Variants in FBLIM1 observed in about 807,000 individuals in gnomAD.
FBLIM1 encodes filamin binding LIM protein 1.
Under a neutral mutation model 37.4 loss-of-function variants are expected in FBLIM1, and 29 were observed. The ratio of observed to expected loss-of-function variants is 0.77; its 90% confidence interval spans 0.58 to 1.06. The LOEUF (loss-of-function observed/expected upper bound fraction) is 1.06. Among genes scored for constraint, FBLIM1 ranks in the 50% least tolerant of loss-of-function variants. The pLI, the probability that FBLIM1 is intolerant of heterozygous loss-of-function variation, is 0.00. For synonymous variants in FBLIM1, 193 were observed against 199.0 expected, an observed-to-expected ratio of 0.97 and a Z score of 0.25; for missense variants, 449 against 505.6, an observed-to-expected ratio of 0.89 and a Z score of 1.07.
At chr1:15,772,641 T>G (rs2069274267) in intron 6 of FBLIM1, among the ~76,000 whole-genome samples, 1 of 152,078 alleles carries the variant, frequency 6.6e-6, no homozygotes, top group East Asian at 1.9e-4. Flanking sequence ...CAGAAGGAAT[T>G]TGAGGCAGCT....
chr1:15,764,999 G>A lies in FBLIM1; in HGVS notation c.16G>A (p.Glu6Lys), dbSNP rs765345893. ...AGCTGAAGCCATGGCCTCAAAGCCTGAGAAGAGGGTGGCATCGTCTGTCTT... is the reference window on the plus strand; with the variant it reads ...AGCTGAAGCCATGGCCTCAAAGCCTAAGAAGAGGGTGGCATCGTCTGTCTT... MASKPEKRVASSVFIT... is the reference protein window; with the variant it reads MASKPKKRVASSVFIT... Residue 6 changes from glutamate to lysine, a missense_variant, in exon 3 of 9, where the codon GAG (glutamate) becomes AAG (lysine). Coordinates refer to ENST00000375766, the MANE Select transcript of FBLIM1 (RefSeq NM_017556.4). 6.2e-7 allele frequency: 1 copy of A among 1,613,458 alleles called. No individual in the cohort carries two copies. The highest frequency in any genetic ancestry group is 8.5e-7 in the Non-Finnish European group (1 of 1,179,776).
At chr1:15,784,475 C>T in intron 8 of FBLIM1, 73 bp from the exon 9 acceptor site, 1 of 1,253,500 alleles carries the variant, frequency 8.0e-7, no homozygotes, top group Non-Finnish European at 1.1e-6. Context: ...TCGGCAGATG[C>T]CAAGTGAGTC....
Position 15,777,268 on chromosome 1 carries a change from A to G in FBLIM1, c.989A>G (p.Glu330Gly). The stretch of plus-strand genomic sequence containing the variant: ...GAATGCATGGGAAGAAACTTCCATG[A>G]AAATTGCTACAGGTGTGAGGTGAGT... Reference protein sequence around the residue: ...KIECMGRNFHENCYRCEDCRI... With the variant: ...KIECMGRNFHGNCYRCEDCRI... Residue 330 changes from glutamate to glycine, a missense_variant, in exon 8 of 9, where the codon GAA (glutamate) becomes GGA (glycine). By Grantham distance (98) the Glu-to-Gly change is moderately conservative (BLOSUM62 -2). Transcript: ENST00000375766. 1 of 1,612,990 alleles carries G rather than the reference A, an allele frequency of 6.2e-7. No individual in the cohort carries two copies. The highest frequency in any genetic ancestry group is 8.5e-7 in the Non-Finnish European group (1 of 1,179,052).
intron 6 of FBLIM1, among the ~76,000 whole-genome samples, chr1:15,773,732 A>G (rs1463931346): frequency 1.3e-5 from 2 of 152,106 alleles, no homozygotes. Flanking sequence ...TCTTCCCACA[A>G]TAAAACAATT....
intron 5 of FBLIM1, 85 bp from the exon 6 acceptor site, chr1:15,770,324 G>C: frequency 4.9e-6 from 7 of 1,432,480 alleles, no homozygotes; most frequent in Non-Finnish European, 6.7e-6. Flanking sequence ...ACAGAGCCTC[G>C]GGTATCCTGA....
At chr1:15,782,278 C>A (rs1285236811) in intron 8 of FBLIM1, among the ~76,000 whole-genome samples, 2 of 151,636 alleles carry the variant, frequency 1.3e-5, no homozygotes, top group African/African-American at 4.8e-5. Context: ...CATGGTGGTA[C>A]CTGTCTGTAG....
rs534384683 is a variant in FBLIM1, at chr1:15,766,065, C to A, written c.250+832C>A. Among the ~76,000 whole-genome samples the A allele has an allele frequency of 2.0e-5, 3 of 152,286 alleles. No homozygotes were observed. The South Asian group carries it at 6.2e-4, about 32-fold the overall frequency. On this transcript the variant is annotated intron_variant, in intron 3 of 8. Coordinates refer to ENST00000375766, the MANE Select transcript of FBLIM1 (RefSeq NM_017556.4). ...CCGCAGGCTCCCACCCCAAGTATCT[C>A]TGATTCAGCAGATCTGCCGTGGAGC...
intron 1 of FBLIM1, among the ~76,000 whole-genome samples, chr1:15,759,303 C>T (rs1460344471): frequency 6.6e-6 from 1 of 152,220 alleles, no homozygotes. Flanking sequence ...TTTTCCTAGC[C>T]AGGGTCAGGC....
chr1:15,773,945 C>G (rs1257790094), intron 6 of FBLIM1, among the ~76,000 whole-genome samples: 1 of 152,018 alleles, frequency 6.6e-6, no homozygotes, highest in Non-Finnish European at 1.5e-5. Flanking sequence ...GAGTTCGAAA[C>G]CAGCCTGGCC....
chr1:15,771,769 C>T (rs535214772), intron 6 of FBLIM1, among the ~76,000 whole-genome samples: 4 of 151,846 alleles, frequency 2.6e-5, no homozygotes, highest in South Asian at 2.1e-4. Context: ...AGGTAACATT[C>T]GGGGTCCAGA....
chr1:15,764,092 G>A (rs1557686186), intron 1 of FBLIM1, among the ~76,000 whole-genome samples: 1 of 152,082 alleles, frequency 6.6e-6, no homozygotes, highest in Non-Finnish European at 1.5e-5. Context: ...TTGGAGATTG[G>A]GTGGAGTGAG....
At chr1:15,760,012 T>A (rs1316366469) in intron 1 of FBLIM1, among the ~76,000 whole-genome samples, 1 of 151,816 alleles carries the variant, frequency 6.6e-6, no homozygotes, top group African/African-American at 2.4e-5. Context: ...TTACCTGAAG[T>A]CAGGAGTTGG....
chr1:15,775,489 C>T (rs372591759), intron 7 of FBLIM1, among the ~76,000 whole-genome samples: 18 of 150,754 alleles, frequency 1.2e-4, no homozygotes, highest in Middle Eastern at 3.4e-3. Context: ...GAGCCGAGAT[C>T]GCACCACTGC....
chr1:15,777,375 G>A, intron 8 of FBLIM1, 88 bp downstream of exon 8: 1 of 857,470 alleles, frequency 1.2e-6, no homozygotes, highest in South Asian at 1.6e-5. Context: ...ACAGGTCAGG[G>A]TGGGGGCTGT....
chr1:15,765,063 C>G lies in FBLIM1; in HGVS notation c.80C>G (p.Ala27Gly). The G allele has an allele frequency of 6.2e-7, 1 of 1,614,042 alleles. No homozygotes were observed. Residue 27 changes from alanine to glycine, a missense_variant, in exon 3 of 9, where the codon GCG becomes GGG. Transcript: ENST00000375766. This position sits in a 1 kb window ranked among gnomAD's most constrained non-coding sequence, Gnocchi z 5.9. ...CCCCCGCGCCGCGATGTGGCCGTGG[C>G]GGAGGAAGTGAGGCAGGCAGTTTGT... Reference protein sequence around the residue: ...LAPPRRDVAVAEEVRQAVCEA... With the variant: ...LAPPRRDVAVGEEVRQAVCEA...
upstream of FBLIM1, among the ~76,000 whole-genome samples, chr1:15,756,974 T>A (rs943622613): frequency 3.3e-5 from 5 of 152,078 alleles, no homozygotes; most frequent in Non-Finnish European, 7.4e-5. Context: ...TGCAAAGGGG[T>A]TCTACAGCCA....
At chr1:15,770,651 C>A in intron 6 of FBLIM1, 73 bp downstream of exon 6, 1 of 1,526,562 alleles carries the variant, frequency 6.6e-7, no homozygotes, top group Non-Finnish European at 8.9e-7. Context: ...CCATTTCATT[C>A]CCCACACAGT....
intron 1 of FBLIM1, among the ~76,000 whole-genome samples, chr1:15,764,154 C>T (rs950779842): frequency 1.9e-4 from 29 of 152,088 alleles, no homozygotes; most frequent in African/African-American, 6.5e-4. Flanking sequence ...ATGTGCAGGG[C>T]TGAGAAAGGT....
At position 15,760,827 on chromosome 1, in the gene FBLIM1, C is replaced by T. The variant is rs563082310; in HGVS notation, c.-211+1979C>T. Among the ~76,000 whole-genome samples the T allele has an allele frequency of 3.9e-5, 6 of 152,070 alleles. No homozygotes were observed. The South Asian group carries it at 6.2e-4, about 16-fold the overall frequency. ...CTCTCTGGGGGAGGAAGAGTGGGGG[C>T]GGAGGGTCCCCTGGGCACAGCTGAC... On this transcript the variant is annotated intron_variant, in intron 1 of 8. Coordinates refer to ENST00000375766, the MANE Select transcript of FBLIM1 (RefSeq NM_017556.4).
Sources: gnomAD v4.1 joint callset for allele counts (sites outside exome capture counted in the v4.1 genomes callset) on GRCh38, gnomAD v4.1.1 for gene constraint, Gnocchi (gnomAD v3.1) non-coding constraint, MANE v1.5 for transcripts, NCBI Gene and HGNC (gene_info 2026-07-23, HGNC 2026-07-21) for gene names.